ERC1: variants seen among roughly 807,000 people sequenced by gnomAD.
The protein encoded by ERC1 is ELKS/RAB6-interacting/CAST family member 1, also known as RAB6 interacting protein 2.
A neutral mutation model predicts 132.0 loss-of-function variants in ERC1; 56 were observed. That is an observed-to-expected ratio of 0.42 (90% CI 0.34 to 0.53). The LOEUF (loss-of-function observed/expected upper bound fraction) is 0.53, where lower values mean the gene tolerates loss of function less well. Among genes scored for constraint, ERC1 ranks in the 20% least tolerant of loss-of-function variants. The probability of loss-of-function intolerance (pLI) is 0.03; values close to 1 mark genes in which losing one functional copy is unlikely to be tolerated. For missense variants in ERC1, 1,202 were observed against 1,349.9 expected (o/e 0.89, Z 1.72); for synonymous variants, 478 against 476.1 (o/e 1.00, Z -0.05).
At chr12:1,063,622 T>C (rs1253458531) in intron 2 of ERC1, among the ~76,000 whole-genome samples, 4 of 151,578 alleles carry the variant, frequency 2.6e-5, no homozygotes, top group African/African-American at 9.8e-5. Flanking sequence ...AGACAGCATA[T>C]AGTTGAGTCT....
At chr12:1,083,691 G>C (rs1357127838) in intron 3 of ERC1, 111 bp downstream of exon 3, 2 of 850,480 alleles carry the variant, frequency 2.4e-6, no homozygotes, top group Non-Finnish European at 3.7e-6. Context: ...TGGTGGAAGA[G>C]AATTTCATCC....
At chr12:1,331,885 G>C (rs773036461) in intron 15 of ERC1, among the ~76,000 whole-genome samples, 2 of 152,134 alleles carry the variant, frequency 1.3e-5, no homozygotes, top group Non-Finnish European at 2.9e-5. Flanking sequence ...TATAGTCATT[G>C]CTATGTATTT....
intron 12 of ERC1, among the ~76,000 whole-genome samples, chr12:1,225,024 A>C (rs2074444030): frequency 6.6e-6 from 1 of 152,136 alleles, no homozygotes; most frequent in Non-Finnish European, 1.5e-5. Flanking sequence ...TTTTCAAAAA[A>C]CAAAAAGAAA....
chr12:1,051,529 CAA>C (rs35353366), intron 2 of ERC1, among the ~76,000 whole-genome samples: 5,784 of 125,152 alleles, frequency 0.046, 91 homozygotes, highest in Admixed American at 0.093. Context: ...GTCTCTACCC[CAA>C]AAAAAAAAAA....
At chr12:1,177,738 A>G (rs992210515) in intron 8 of ERC1, among the ~76,000 whole-genome samples, 6 of 152,232 alleles carry the variant, frequency 3.9e-5, no homozygotes, top group African/African-American at 1.4e-4. Flanking sequence ...TGACAGAGAC[A>G]CCAAGTTAGA....
chr12:1,083,479 G>A lies in ERC1; in HGVS notation c.985G>A (p.Asp329Asn). The A allele has an allele frequency of 6.2e-7, 1 of 1,614,198 alleles. No homozygotes were observed. The highest frequency in any genetic ancestry group is 8.5e-7 in the Non-Finnish European group (1 of 1,180,036). ...KGLSAKATEE[D>N]HERTRRLAEA... ...ACTTTCTGCCAAGGCTACCGAGGAA[G>A]ACCATGAGAGAACAAGACGACTGGC... The change falls in exon 3 of 19, where the codon GAC (aspartate) becomes AAC (asparagine). Residue 329 changes from aspartate (D) to asparagine (N), a missense_variant. Transcript: ENST00000360905.
At chr12:1,039,224 C>T (rs11061617) in intron 2 of ERC1, among the ~76,000 whole-genome samples, 17,875 of 151,692 alleles carry the variant, frequency 0.12, 1,529 homozygotes, top group African/African-American at 0.24. Flanking sequence ...GTAGTCCCAG[C>T]TACTCGGGAG....
In ERC1 at chr12:1,245,794, A is replaced by G. The variant is rs185682642; in HGVS notation, c.2487+8890A>G. Among the ~76,000 whole-genome samples, 5 of 152,290 alleles carry G rather than the reference A, an allele frequency of 3.3e-5. No individual in the cohort carries two copies. In the East Asian group the frequency reaches 9.6e-4, roughly 29 times the overall value. ...TATGAATACTCTTCCTTACGATGTC[A>G]TGGTGCCACTCAGTTGTATCCTATT... On this transcript the variant is annotated intron_variant, in intron 13 of 18. Transcript: ENST00000360905.
intron 17 of ERC1, among the ~76,000 whole-genome samples, chr12:1,424,320 A>C (rs996323903): frequency 6.6e-6 from 1 of 152,214 alleles, no homozygotes; most frequent in African/African-American, 2.4e-5. Context: ...GAATTAGAGC[A>C]GGTCAGGAAG....
At chr12:1,043,351 G>A (rs1232474281) in intron 2 of ERC1, among the ~76,000 whole-genome samples, 1 of 152,128 alleles carries the variant, frequency 6.6e-6, no homozygotes, top group African/African-American at 2.4e-5. Flanking sequence ...CCTGTACAGA[G>A]TATTTTCAAG....
chr12:1,188,068 T>C lies in ERC1; in HGVS notation c.2158-1791T>C, dbSNP rs369028462. Among the ~76,000 whole-genome samples, 31 of 152,194 alleles carry C rather than the reference T, an allele frequency of 2.0e-4. No homozygotes were observed. In the South Asian group the frequency reaches 2.1e-3, roughly 10 times the overall value. ...ATATTTGTGGAGTTATAATAAATAA[T>C]TTATAATAAATTATTAGAAATCAGA... On this transcript the variant is annotated intron_variant, in intron 11 of 18. Transcript: ENST00000360905.
At chr12:1,198,683 G>C (rs956846770) in intron 12 of ERC1, among the ~76,000 whole-genome samples, 5 of 152,148 alleles carry the variant, frequency 3.3e-5, no homozygotes, top group African/African-American at 1.2e-4. Context: ...TCTGCGGGCT[G>C]TACAGGCTTC....
chr12:1,216,629 C>CGGGGG (rs1397218142), intron 12 of ERC1, among the ~76,000 whole-genome samples: 1 of 34,570 alleles, frequency 2.9e-5, no homozygotes, highest in African/African-American at 1.2e-4. Flanking sequence ...GGGTGGGGGG[C>CGGGGG]GGGGGGAGTA....
At chr12:1,061,300 A>G (rs1406179573) in intron 2 of ERC1, among the ~76,000 whole-genome samples, 1 of 152,062 alleles carries the variant, frequency 6.6e-6, no homozygotes, top group African/African-American at 2.4e-5. Flanking sequence ...TATCTTTTCA[A>G]AAAACCAAGT....
chr12:1,254,607 G>A (rs1323926229), intron 13 of ERC1, among the ~76,000 whole-genome samples: 6 of 151,922 alleles, frequency 3.9e-5, no homozygotes, highest in Admixed American at 2.0e-4. Flanking sequence ...CCGCCTCCCC[G>A]GTTCAGGCAA....
At chr12:1,439,764 T>C (rs534103819) in intron 17 of ERC1, among the ~76,000 whole-genome samples, 19 of 152,334 alleles carry the variant, frequency 1.2e-4, no homozygotes, top group Non-Finnish European at 2.2e-4. Context: ...AAAAAAGTTA[T>C]AACTTACGGG....
intron 7 of ERC1, among the ~76,000 whole-genome samples, chr12:1,138,577 A>G (rs1055809018): frequency 6.6e-6 from 1 of 151,884 alleles, no homozygotes; most frequent in African/African-American, 2.4e-5. Context: ...GCATAGGAAA[A>G]GGACCTTGAA....
At chr12:1,406,426 G>T (rs1258247104) in intron 16 of ERC1, among the ~76,000 whole-genome samples, 1 of 152,038 alleles carries the variant, frequency 6.6e-6, no homozygotes, top group Non-Finnish European at 1.5e-5. Flanking sequence ...ATTCTACCAG[G>T]TATGAAAATA....
intron 15 of ERC1, among the ~76,000 whole-genome samples, chr12:1,333,330 ATTT>A (rs36055111): frequency 0.011 from 1,165 of 110,686 alleles, 11 homozygotes; most frequent in African/African-American, 0.03. Flanking sequence ...TATGTACCGC[ATTT>A]TTTTTTTTTT....
Sources: allele counts gnomAD v4.1 joint callset (sites outside exome capture counted in the v4.1 genomes callset), GRCh38; gene constraint gnomAD v4.1.1; transcripts MANE v1.5; gene names NCBI Gene and HGNC (gene_info 2026-07-23, HGNC 2026-07-21).